Variants in POU6F1 observed in about 807,000 individuals in gnomAD.
POU6F1 encodes the protein POU domain, class 6, transcription factor 1.
In POU6F1, 9 loss-of-function variants were observed where a neutral mutation model predicts 28.9. The ratio of observed to expected loss-of-function variants is 0.31; its 90% CI spans 0.19 to 0.54. The LOEUF is 0.54. Ranked by LOEUF, POU6F1 falls within the 20% of genes least tolerant of loss-of-function variation. The pLI, the probability that POU6F1 is intolerant of heterozygous loss-of-function variation, is 0.94. For synonymous variants in POU6F1, 173 were observed against 171.1 expected, an observed-to-expected ratio of 1.01 and a Z score of -0.09; for missense variants, 338 against 426.1, an observed-to-expected ratio of 0.79 and a Z score of 1.82.
At chr12:51,198,847 G>A (rs1943019323) in intron 4 of POU6F1, 72 bp from the exon 5 acceptor site, 1 of 398,144 alleles carries the variant, frequency 2.5e-6, no homozygotes. Context: ...CAAACACTGG[G>A]TCTCTGAGAC....
chr12:51,189,607 G>A lies in POU6F1; in HGVS notation c.*640C>T, dbSNP rs1191844041. Reference sequence around the variant, plus strand: ...AAAGGAACCAGGAAGAGGTGGAAGAGGAGATCCCATGTTCCAGCCCCAGGG... The same window carrying A: ...AAAGGAACCAGGAAGAGGTGGAAGAAGAGATCCCATGTTCCAGCCCCAGGG... On this transcript the variant is annotated 3_prime_UTR_variant, in exon 11 of 11. Transcript: ENST00000333640. 5 of 152,828 alleles carry A rather than the reference G, an allele frequency of 3.3e-5. No homozygotes were observed. Among genetic ancestry groups the A allele is most frequent in the African/African-American group, 1.2e-4 (5 of 41,464 alleles). 9.5% of individuals were successfully genotyped at this position (152,828 alleles called of 1,614,324 possible).
chr12:51,200,250 G>C (rs1330876436), intron 3 of POU6F1, among the ~76,000 whole-genome samples: 1 of 152,192 alleles, frequency 6.6e-6, no homozygotes, highest in Non-Finnish European at 1.5e-5. Flanking sequence ...AGAAATGATG[G>C]GAGCGGCTGT....
chr12:51,193,542 C>G (rs910809286), intron 8 of POU6F1, among the ~76,000 whole-genome samples: 1 of 152,124 alleles, frequency 6.6e-6, no homozygotes, highest in Non-Finnish European at 1.5e-5. Flanking sequence ...CATGCCACTG[C>G]ACTTCAGCCT....
In POU6F1 at chr12:51,196,893, A is replaced by C. The variant is rs902379053; in HGVS notation, c.881T>G (p.Ile294Ser). 3 of 1,611,382 alleles carry C rather than the reference A, an allele frequency of 1.9e-6. No homozygotes were observed. The highest frequency in any genetic ancestry group is 2.5e-6 in the Non-Finnish European group (3 of 1,177,650). The change falls in exon 7 of 11, where the codon ATC (isoleucine) becomes AGC (serine). Residue 294 changes from isoleucine (I) to serine (S), a missense_variant. Physicochemically the swap from Ile to Ser is moderately radical, Grantham distance 142. This residue lies in a region of POU6F1 where 206 missense variants were observed against 225.6 expected (regional missense o/e 0.91). Transcript: ENST00000333640. ...TGGAGCTGTAGTGAGGGACCCCAGG[A>C]TCTGGGTCTGTCCCCCGAGGGAAGC... ...SAASLGGQTQ[I>S]LGSLTTAPVI... is the part of the protein sequence containing the mutation.
chr12:51,210,438 G>C (rs1047819051), intron 1 of POU6F1, among the ~76,000 whole-genome samples: 1 of 152,196 alleles, frequency 6.6e-6, no homozygotes, highest in Non-Finnish European at 1.5e-5. Flanking sequence ...GCGTAAGGCA[G>C]CAGTAGCCAA....
chr12:51,206,733 G>C (rs988475754), intron 2 of POU6F1, 56 bp downstream of exon 2: 36 of 398,468 alleles, frequency 9.0e-5, no homozygotes, highest in African/African-American at 7.0e-4. Context: ...CTCCTCTGTT[G>C]CCCACACCCC....
In POU6F1 at chr12:51,217,813, G is replaced by C. The variant is rs933001735; in HGVS notation, c.-219C>G. The C allele has an allele frequency of 1.3e-5, 2 of 151,350 alleles. No individual in the cohort carries two copies. The highest frequency in any genetic ancestry group is 1.3e-4 in the Admixed American group (2 of 15,240). The allele number at this position is 151,350 out of a possible 1,614,324, so 9.4% of individuals were successfully genotyped here. ...CTGGGCTCGGCTCGGCCCGGGAGCTGGTCGGGACCCGCCGCCGCCCCCAGG... is the reference window on the plus strand; with the variant it reads ...CTGGGCTCGGCTCGGCCCGGGAGCTCGTCGGGACCCGCCGCCGCCCCCAGG... On this transcript the variant is annotated 5_prime_UTR_variant, in exon 1 of 11. Transcript: ENST00000333640. The surrounding 1 kb of genome is among the most constrained non-coding windows in gnomAD (Gnocchi z 5.3).
intron 5 of POU6F1, 179 bp from the exon 6 acceptor site, chr12:51,198,202 C>A (rs1324076956): frequency 5.0e-6 from 2 of 397,496 alleles, no homozygotes; most frequent in Non-Finnish European, 8.9e-6. Flanking sequence ...CTCTTATCCC[C>A]CCTCCCTGGG....
chr12:51,208,893 C>T (rs529413875), intron 1 of POU6F1, among the ~76,000 whole-genome samples: 2 of 151,958 alleles, frequency 1.3e-5, no homozygotes, highest in Non-Finnish European at 2.9e-5. Flanking sequence ...GCAGTGATTT[C>T]GCCACTGCAC....
At chr12:51,198,925 C>T in intron 4 of POU6F1, 150 bp from the exon 5 acceptor site, 2 of 396,012 alleles carry the variant, frequency 5.1e-6, no homozygotes, top group Non-Finnish European at 8.9e-6. Context: ...GGGGAAGAGC[C>T]AAACCCTAGC....
In POU6F1 at chr12:51,196,655, G is replaced by A. The variant is rs567083315; in HGVS notation, c.975+144C>T. On this transcript the variant is annotated intron_variant, in intron 7 of 10. Coordinates refer to ENST00000333640, the MANE Select transcript of POU6F1 (RefSeq NM_001330422.2). ...TACACCCCTGCCCAGCTTCAGCATC[G>A]GCAGAAAGCCGCCGCAGAGGAGATA... The A allele has an allele frequency of 8.1e-5, 82 of 1,006,990 alleles. 1 individual carries two copies. Among genetic ancestry groups the A allele is most frequent in the South Asian group, 3.2e-4 (20 of 63,182 alleles). The allele number at this position is 1,006,990 out of a possible 1,614,324, so 62.4% of individuals were successfully genotyped here. A position where few individuals can be genotyped will look rare whatever the true frequency, so the allele number is the denominator to read the frequency against.
Position 51,205,125 on chromosome 12 carries a change from A to G in POU6F1, c.49-757T>C, listed in dbSNP as rs549781882. 8.1e-3 allele frequency among the ~76,000 whole-genome samples: 1,016 copies of G among 125,950 alleles called. 6 individuals carry two copies. The highest frequency in any genetic ancestry group is 0.011 in the Non-Finnish European group (685 of 62,642). 82.6% of individuals were successfully genotyped at this position (125,950 alleles called of 152,430 possible). A position where few individuals can be genotyped will look rare whatever the true frequency, so the allele number is the denominator to read the frequency against. ...GCAATCTCGGCTCACTGCCAGCTCC[A>G]CCCCCCCGGGTTCACGCCATTCTCC... On this transcript the variant is annotated intron_variant, in intron 2 of 10. Transcript: ENST00000333640.
At chr12:51,197,630 G>C (rs1942923749) in intron 6 of POU6F1, 140 bp downstream of exon 6, 1 of 398,104 alleles carries the variant, frequency 2.5e-6, no homozygotes, top group East Asian at 3.6e-5. Context: ...AGGCCTCAGA[G>C]GGAGCCCATC....
Position 51,191,650 on chromosome 12 carries a change from C to A in POU6F1, c.1436G>T (p.Gly479Val). ...ACCTTCCGTTGCAGTCAGAGCCTGA[C>A]CCACCTGGGTCTGTGTAAGGCCCAG... Reference protein sequence around the residue: ...LSLGLTQTQVGQALTATEGPA... With the variant: ...LSLGLTQTQVVQALTATEGPA... The change falls in exon 10 of 11, where the codon GGT (glycine) becomes GTT (valine). Residue 479 changes from glycine to valine, a missense_variant. Coordinates refer to ENST00000333640, the MANE Select transcript of POU6F1 (RefSeq NM_001330422.2). The A allele has an allele frequency of 6.2e-7, 1 of 1,614,144 alleles. No homozygotes were observed. Among genetic ancestry groups the A allele is most frequent in the South Asian group, 1.1e-5 (1 of 91,074 alleles).
At chr12:51,192,592 C>T (rs1486263465) in intron 8 of POU6F1, 121 bp from the exon 9 acceptor site, 37 of 1,271,198 alleles carry the variant, frequency 2.9e-5, no homozygotes, top group Non-Finnish European at 4.0e-5. Flanking sequence ...GCAGGACATT[C>T]CCGCCTGGGC....
chr12:51,192,615 C>T (rs1942504426), intron 8 of POU6F1, 144 bp from the exon 9 acceptor site: 1 of 1,100,432 alleles, frequency 9.1e-7, no homozygotes, highest in South Asian at 1.6e-5. Context: ...TATCATAAAA[C>T]AAGACTAGGC....
chr12:51,201,485 C>G (rs578140830), intron 3 of POU6F1, among the ~76,000 whole-genome samples: 1 of 150,852 alleles, frequency 6.6e-6, no homozygotes, highest in Non-Finnish European at 1.5e-5. Context: ...CCAGACCAGC[C>G]TGGGCAACAA....
chr12:51,200,619 T>C (rs1445338828), intron 3 of POU6F1, among the ~76,000 whole-genome samples: 8 of 152,182 alleles, frequency 5.3e-5, no homozygotes, highest in Non-Finnish European at 1.2e-4. Flanking sequence ...TTATTTAATA[T>C]ATGGTTAGTT....
chr12:51,210,089 C>G (rs1943888529), intron 1 of POU6F1, among the ~76,000 whole-genome samples: 2 of 152,146 alleles, frequency 1.3e-5, no homozygotes, highest in African/African-American at 4.8e-5. Flanking sequence ...ACCAGAGTAG[C>G]TGGGACTACC....
Sources: allele counts gnomAD v4.1 joint callset (sites outside exome capture counted in the v4.1 genomes callset), GRCh38; gene constraint gnomAD v4.1.1; regional missense constraint gnomAD v4.1.1; non-coding constraint Gnocchi (gnomAD v3.1); transcripts MANE v1.5; gene names NCBI Gene and HGNC (gene_info 2026-07-23, HGNC 2026-07-21).